The following REXO5 variants were observed in gnomAD, a reference collection of about 807,000 sequenced individuals.
The protein encoded by REXO5 is RNA exonuclease 5, also known as exonuclease NEF-sp.
In REXO5, 48 loss-of-function variants were observed where a neutral mutation model predicts 88.5. The observed-to-expected ratio is 0.54, with a 90% CI of 0.43 to 0.69. The LOEUF (loss-of-function observed/expected upper bound fraction) is 0.69. Ranked by LOEUF, REXO5 falls within the 30% of genes least tolerant of loss-of-function variation. The pLI, the probability that REXO5 is intolerant of heterozygous loss-of-function variation, is 0.00. For missense variants in REXO5, 749 were observed against 912.2 expected, an observed-to-expected ratio of 0.82 and a Z score of 2.30; for synonymous variants, 311 against 336.5, an observed-to-expected ratio of 0.92 and a Z score of 0.83.
chr16:20,827,475 G>T (rs748299395), intron 10 of REXO5, 28 bp downstream of exon 10: 2 of 1,523,916 alleles, frequency 1.3e-6, no homozygotes, highest in South Asian at 1.1e-5. Context: ...CTGTAATATT[G>T]TTCTGACAAA....
At position 20,847,272 on chromosome 16, in the gene REXO5, A is replaced by C. The variant is rs149214259; in HGVS notation, c.2243+933A>C. 4.7e-3 allele frequency among the ~76,000 whole-genome samples: 98 copies of C among 20,694 alleles called. 1 individual carries two copies. The highest frequency in any genetic ancestry group is 8.2e-3 in the East Asian group (13 of 1,588). The allele number at this position is 20,694 out of a possible 152,430, so 13.6% of individuals were successfully genotyped here. On this transcript the variant is annotated intron_variant, in intron 19 of 19. Transcript: ENST00000261377. ...CAAAAACACACACACAAAAAAAAAA[A>C]CAAAAAAAAAAAACCCAGCCAGGTT...
Position 20,821,823 on chromosome 16 carries a change from G to A in REXO5, c.537G>A (p.Lys179=), listed in dbSNP as rs761454869. 9.3e-6 allele frequency: 15 copies of A among 1,608,696 alleles called. 1 individual carries two copies. In the South Asian group the frequency reaches 1.6e-4, roughly 17 times the overall value. The part of the protein sequence containing the change: ...INLQDDPIIQ[K]YGSKKVGLTR... ...TTCAGGATGATCCCATCATTCAAAA[G>A]TATGGCTCTAAGAAAGTGGGCTTGA... The change falls in exon 6 of 20, where the codon AAG becomes AAA. Residue 179 remains lysine, a synonymous_variant. Coordinates refer to ENST00000261377, the MANE Select transcript of REXO5 (RefSeq NM_030941.3).
chr16:20,828,022 T>C (rs2081284724), intron 10 of REXO5, among the ~76,000 whole-genome samples: 1 of 152,194 alleles, frequency 6.6e-6, no homozygotes, highest in African/African-American at 2.4e-5. Flanking sequence ...TATATACATA[T>C]ATTAAGCTTT....
chr16:20,824,794 G>A (rs1243029807), intron 7 of REXO5, among the ~76,000 whole-genome samples: 3 of 152,054 alleles, frequency 2.0e-5, no homozygotes, highest in Non-Finnish European at 4.4e-5. Context: ...TGGATCATGA[G>A]GTCAGGAGAT....
At chr16:20,813,112 G>C in intron 2 of REXO5, 78 bp from the exon 3 acceptor site, 1 of 939,330 alleles carries the variant, frequency 1.1e-6, no homozygotes. Flanking sequence ...GTAATCAGAA[G>C]CTAGAATAAT....
rs1567411493 is a variant in REXO5 at position 20,844,715 on chromosome 16, A to G, written c.1806A>G (p.Ile602Met). The G allele has an allele frequency of 1.2e-6, 2 of 1,614,212 alleles. No individual in the cohort carries two copies. Among genetic ancestry groups the G allele is most frequent in the South Asian group, 1.1e-5 (1 of 91,088 alleles). Residue 602 changes from isoleucine (I) to methionine (M), a missense_variant, in exon 17 of 20, where the codon ATA becomes ATG. Transcript: ENST00000261377. ...LEGDSENQGS[I>M]YLSGVSETFK... Reference sequence around the variant, plus strand: ...GAGATTCTGAAAACCAAGGCTCTATATATCTGTCTGGAGTGAGTGAAACCT... The same window carrying G: ...GAGATTCTGAAAACCAAGGCTCTATGTATCTGTCTGGAGTGAGTGAAACCT...
At position 20,849,381 on chromosome 16, in the gene REXO5, G is replaced by T; in HGVS notation, c.2244-18G>T. 6.2e-7 allele frequency: 1 copy of T among 1,605,596 alleles called. No homozygotes were observed. The highest frequency in any genetic ancestry group is 8.5e-7 in the Non-Finnish European group (1 of 1,172,536). The stretch of plus-strand genomic sequence containing the variant: ...ACCTTATGGATAAAAACATACCTTT[G>T]TTTCTTATTTATTGCAGCACTCATG... On this transcript the variant is annotated intron_variant, in intron 19 of 19. Coordinates refer to ENST00000261377, the MANE Select transcript of REXO5 (RefSeq NM_030941.3).
At chr16:20,807,984 G>A (rs2080929516) in intron 2 of REXO5, among the ~76,000 whole-genome samples, 1 of 152,114 alleles carries the variant, frequency 6.6e-6, no homozygotes, top group Non-Finnish European at 1.5e-5. Flanking sequence ...AGCGGTGGCC[G>A]ATAGAACGTT....
Position 20,839,333 on chromosome 16 carries a change from G to T in REXO5, c.1384-422G>T, listed in dbSNP as rs183464717. On this transcript the variant is annotated intron_variant, in intron 13 of 19. Coordinates refer to ENST00000261377, the MANE Select transcript of REXO5 (RefSeq NM_030941.3). ...ATTTAATTGGAGTTTTTATTTTGGGGTTTTTTTATGCTTCATCTAATTCTT... is the reference window on the plus strand; with the variant it reads ...ATTTAATTGGAGTTTTTATTTTGGGTTTTTTTTATGCTTCATCTAATTCTT... 6.1e-3 allele frequency among the ~76,000 whole-genome samples: 924 copies of T among 150,252 alleles called. 2 individuals are homozygous for T. The highest frequency in any genetic ancestry group is 1.0e-2 in the Non-Finnish European group (675 of 67,662).
At chr16:20,814,152 C>A (rs974724099) in intron 3 of REXO5, among the ~76,000 whole-genome samples, 2 of 150,298 alleles carry the variant, frequency 1.3e-5, no homozygotes, top group East Asian at 3.9e-4. Context: ...GCCATTGTAG[C>A]CCAAAGCAGC....
intron 5 of REXO5, 116 bp from the exon 6 acceptor site, chr16:20,821,646 T>C: frequency 4.1e-6 from 4 of 969,084 alleles, no homozygotes; most frequent in Non-Finnish European, 5.8e-6. Flanking sequence ...TGGTTGGGGC[T>C]GAGTTTTATA....
At chr16:20,809,353 A>T (rs2080962597) in intron 2 of REXO5, among the ~76,000 whole-genome samples, 1 of 152,232 alleles carries the variant, frequency 6.6e-6, no homozygotes, top group African/African-American at 2.4e-5. Context: ...TACTCCTCAG[A>T]TGCCATCCAA....
chr16:20,838,579 G>A (rs1034663881), intron 13 of REXO5, among the ~76,000 whole-genome samples: 2 of 152,088 alleles, frequency 1.3e-5, no homozygotes, highest in African/African-American at 4.8e-5. Context: ...CTTCTCTGGG[G>A]TTATGCATGT....
upstream of REXO5, chr16:20,806,434 C>G: frequency 3.2e-6 from 5 of 1,553,496 alleles, no homozygotes; most frequent in Non-Finnish European, 3.5e-6. Flanking sequence ...TCGCCATTCC[C>G]GACACTCCTT....
At chr16:20,815,433 T>G (rs1234772004) in intron 4 of REXO5, among the ~76,000 whole-genome samples, 1 of 152,200 alleles carries the variant, frequency 6.6e-6, no homozygotes, top group Non-Finnish European at 1.5e-5. Context: ...AAGAGGCACC[T>G]GCTGTCCATT....
At chr16:20,832,790 G>A (rs765243078) in intron 12 of REXO5, among the ~76,000 whole-genome samples, 3 of 152,182 alleles carry the variant, frequency 2.0e-5, no homozygotes, top group Non-Finnish European at 2.9e-5. Context: ...TGTGATGATG[G>A]AAGTGCTCTA....
At chr16:20,848,650 CT>C (rs2081647374) in intron 19 of REXO5, among the ~76,000 whole-genome samples, 1 of 152,206 alleles carries the variant, frequency 6.6e-6, no homozygotes, top group African/African-American at 2.4e-5. Context: ...TCATTTCTAC[CT>C]GCTTTGCCTC....
chr16:20,831,770 A>C (rs1470002580), intron 11 of REXO5, among the ~76,000 whole-genome samples: 2 of 149,634 alleles, frequency 1.3e-5, no homozygotes, highest in African/African-American at 2.4e-5. Flanking sequence ...CCATTCTTTT[A>C]TCATTTCCAA....
At chr16:20,807,585 GAAAAAA>G (rs1013842567) in intron 2 of REXO5, among the ~76,000 whole-genome samples, 1 of 50,582 alleles carries the variant, frequency 2.0e-5, no homozygotes, top group African/African-American at 7.5e-5. Context: ...TCACGTCTCA[GAAAAAA>G]AAAAAAAAAA....
Sources: allele counts gnomAD v4.1 joint callset (sites outside exome capture counted in the v4.1 genomes callset), GRCh38; gene constraint gnomAD v4.1.1; transcripts MANE v1.5; gene names NCBI Gene and HGNC (gene_info 2026-07-23, HGNC 2026-07-21).